CDKAL1: variants seen among roughly 807,000 people sequenced by gnomAD.
The protein encoded by CDKAL1 is CDKAL1 threonylcarbamoyladenosine tRNA methylthiotransferase, also known as threonylcarbamoyladenosine tRNA methylthiotransferase.
Under a neutral mutation model 68.2 loss-of-function variants are expected in CDKAL1, and 32 were observed. The ratio of observed to expected loss-of-function variants is 0.47; its 90% confidence interval spans 0.35 to 0.63. The LOEUF (loss-of-function observed/expected upper bound fraction) is 0.63. Ranked by LOEUF, CDKAL1 falls within the 30% of genes least tolerant of loss-of-function variation. The pLI is 0.00. For synonymous variants in CDKAL1, 234 were observed against 244.3 expected (o/e 0.96, Z 0.39); for missense variants, 606 against 696.7 (o/e 0.87, Z 1.47).
intron 9 of CDKAL1, among the ~76,000 whole-genome samples, chr6:20,875,406 T>G (rs927406926): frequency 2.0e-5 from 3 of 151,150 alleles, no homozygotes; most frequent in African/African-American, 7.3e-5. Flanking sequence ...GATGGTTACA[T>G]ATGACTTGAT....
intron 5 of CDKAL1, among the ~76,000 whole-genome samples, chr6:20,736,704 G>A (rs1011324307): frequency 3.3e-5 from 5 of 151,692 alleles, no homozygotes; most frequent in African/African-American, 4.9e-5. Flanking sequence ...CCCAGGAGGC[G>A]GAACTTGGAG....
intron 4 of CDKAL1, among the ~76,000 whole-genome samples, chr6:20,623,154 G>C (rs1767272592): frequency 6.6e-6 from 1 of 151,974 alleles, no homozygotes; most frequent in Non-Finnish European, 1.5e-5. Context: ...TCTTCAAACA[G>C]ATTGTTTTGG....
intron 9 of CDKAL1, among the ~76,000 whole-genome samples, chr6:20,920,351 G>A (rs1762897555): frequency 6.6e-6 from 1 of 152,168 alleles, no homozygotes; most frequent in East Asian, 1.9e-4. Context: ...AGAAATAGGA[G>A]CCCACCATAG....
chr6:20,541,263 C>T (rs1413726668), intron 2 of CDKAL1, among the ~76,000 whole-genome samples: 1 of 152,170 alleles, frequency 6.6e-6, no homozygotes, highest in Non-Finnish European at 1.5e-5. Context: ...GAATACCCAC[C>T]TCAAACTGAT....
In CDKAL1 at chr6:20,548,528, G is replaced by A. The variant is rs1269198755; in HGVS notation, c.174-65G>A. 8.9e-6 allele frequency: 7 copies of A among 784,868 alleles called. No homozygotes were observed. In the Admixed American group the frequency reaches 1.2e-4, roughly 14 times the overall value. The allele number at this position is 784,868 out of a possible 1,614,324, so 48.6% of individuals were successfully genotyped here. ...AGCCTGGGCAACAGAGCAAGACCCTGGATCAAAAAAAAAAAAAATCACTCA... is the reference window on the plus strand; with the variant it reads ...AGCCTGGGCAACAGAGCAAGACCCTAGATCAAAAAAAAAAAAAATCACTCA... On this transcript the variant is annotated intron_variant, in intron 3 of 15. Coordinates refer to ENST00000274695, the MANE Select transcript of CDKAL1 (RefSeq NM_017774.3).
intron 9 of CDKAL1, among the ~76,000 whole-genome samples, chr6:20,888,764 C>G (rs928802619): frequency 3.9e-5 from 6 of 152,192 alleles, no homozygotes; most frequent in East Asian, 3.9e-4. Context: ...TTAATCCAGT[C>G]TGTCGTTGTT....
intron 9 of CDKAL1, among the ~76,000 whole-genome samples, chr6:20,936,699 CT>C (rs1763736403): frequency 6.6e-6 from 1 of 152,026 alleles, no homozygotes; most frequent in Admixed American, 6.6e-5. Context: ...CAGGCATTAT[CT>C]TTTTTATGTA....
intron 13 of CDKAL1, among the ~76,000 whole-genome samples, chr6:21,189,303 A>G (rs899331849): frequency 1.3e-5 from 2 of 152,220 alleles, no homozygotes; most frequent in African/African-American, 4.8e-5. Context: ...TACTTAGGTT[A>G]TTTCTGAAAT....
At chr6:20,639,212 C>G (rs1436920559) in intron 4 of CDKAL1, among the ~76,000 whole-genome samples, 1 of 151,980 alleles carries the variant, frequency 6.6e-6, no homozygotes, top group Admixed American at 6.6e-5. Flanking sequence ...TCAAGTTGAC[C>G]CTTGGTTTCC....
intron 5 of CDKAL1, among the ~76,000 whole-genome samples, chr6:20,689,417 G>A (rs1358165622): frequency 6.6e-6 from 1 of 152,170 alleles, no homozygotes; most frequent in Non-Finnish European, 1.5e-5. Flanking sequence ...GTGATTTTTG[G>A]TATCTGCCAG....
chr6:20,955,960 T>A (rs1764755447), intron 10 of CDKAL1, among the ~76,000 whole-genome samples: 2 of 152,202 alleles, frequency 1.3e-5, no homozygotes, highest in African/African-American at 4.8e-5. Context: ...GTCAATATTG[T>A]GTTATCCAAA....
At chr6:20,553,121 A>G (rs1411903595) in intron 4 of CDKAL1, among the ~76,000 whole-genome samples, 1 of 152,214 alleles carries the variant, frequency 6.6e-6, no homozygotes, top group African/African-American at 2.4e-5. Context: ...GTAGTCATAG[A>G]TATTTTTATC....
chr6:20,975,011 CAAAT>C (rs1464509103), intron 10 of CDKAL1, among the ~76,000 whole-genome samples: 23 of 116,652 alleles, frequency 2.0e-4, no homozygotes, highest in Non-Finnish European at 3.8e-4. Context: ...AGGAAAGAAA[CAAAT>C]AAGATATTTG....
intron 8 of CDKAL1, among the ~76,000 whole-genome samples, chr6:20,836,733 T>A (rs1446923103): frequency 1.3e-5 from 2 of 152,190 alleles, no homozygotes; most frequent in Non-Finnish European, 2.9e-5. Context: ...GTAGTTTTTA[T>A]CATTCCCTTC....
In CDKAL1 at chr6:20,955,487, C is replaced by T. The variant is rs955184595; in HGVS notation, c.811C>T (p.Leu271Phe). 1.9e-6 allele frequency: 3 copies of T among 1,613,976 alleles called. No individual in the cohort carries two copies. Among genetic ancestry groups the T allele is most frequent in the Non-Finnish European group, 2.5e-6 (3 of 1,179,966 alleles). ...TTATGGCAGAGATATTGGCACCAAT[C>T]TCCCCACACTCCTGTGGAAACTGGT... ...GAYGRDIGTN[L>F]PTLLWKLVEV... Residue 271 changes from leucine to phenylalanine, a missense_variant, in exon 10 of 16, where the codon CTC becomes TTC. Leu to Phe is a conservative substitution (Grantham distance 22). Coordinates refer to ENST00000274695, the MANE Select transcript of CDKAL1 (RefSeq NM_017774.3).
chr6:20,842,475 A>G (rs762289528), intron 8 of CDKAL1, among the ~76,000 whole-genome samples: 28 of 152,228 alleles, frequency 1.8e-4, no homozygotes, highest in Non-Finnish European at 3.4e-4. Flanking sequence ...AATATACAGT[A>G]TTATTTTGAT....
intron 2 of CDKAL1, among the ~76,000 whole-genome samples, chr6:20,541,513 G>A (rs777963351): frequency 3.0e-4 from 46 of 152,300 alleles, no homozygotes; most frequent in African/African-American, 1.1e-3. Flanking sequence ...GTTAACACTA[G>A]CGTAGAATCC....
At chr6:20,917,812 A>G (rs1762784275) in intron 9 of CDKAL1, among the ~76,000 whole-genome samples, 1 of 152,234 alleles carries the variant, frequency 6.6e-6, no homozygotes, top group Non-Finnish European at 1.5e-5. Flanking sequence ...TGTCCCTCCA[A>G]AATTCATACA....
At chr6:21,009,752 C>T (rs1298692628) in intron 11 of CDKAL1, among the ~76,000 whole-genome samples, 1 of 152,138 alleles carries the variant, frequency 6.6e-6, no homozygotes, top group African/African-American at 2.4e-5. Flanking sequence ...CACAGAAAGA[C>T]AAATACCGCG....
Sources: gnomAD v4.1 joint callset for allele counts (sites outside exome capture counted in the v4.1 genomes callset) on GRCh38, gnomAD v4.1.1 for gene constraint, MANE v1.5 for transcripts, NCBI Gene and HGNC (gene_info 2026-07-23, HGNC 2026-07-21) for gene names.